The following VPS26C variants were observed in gnomAD, a reference collection of about 807,000 sequenced individuals.
VPS26C encodes the protein VPS26 endosomal protein sorting factor C, also known as vacuolar protein sorting-associated protein 26C.
VPS26C carries 19 observed loss-of-function variants against 30.6 expected under a neutral mutation model. The ratio of observed to expected loss-of-function variants is 0.62; its 90% CI spans 0.43 to 0.91. The LOEUF is 0.91. Among genes scored for constraint, VPS26C ranks in the 40% least tolerant of loss-of-function variants. VPS26C has a pLI of 0.00. For synonymous variants in VPS26C, 132 were observed against 151.5 expected, an observed-to-expected ratio of 0.87 and a Z score of 0.95; for missense variants, 318 against 385.1, an observed-to-expected ratio of 0.83 and a Z score of 1.46.
At chr21:37,225,957 G>A (rs904750143) in intron 7 of VPS26C, 2 of 315,194 alleles carry the variant, frequency 6.3e-6, no homozygotes, top group South Asian at 6.0e-5. Flanking sequence ...CAATTCATTT[G>A]TATTCCTTTG....
intron 1 of VPS26C, among the ~76,000 whole-genome samples, chr21:37,258,240 A>G (rs1358443619): frequency 6.6e-6 from 1 of 152,240 alleles, no homozygotes; most frequent in African/African-American, 2.4e-5. Context: ...GGCACCTTGC[A>G]AACAACCTTT....
chr21:37,262,293 C>T (rs1412282868), intron 1 of VPS26C, among the ~76,000 whole-genome samples: 1 of 152,184 alleles, frequency 6.6e-6, no homozygotes, highest in Admixed American at 6.5e-5. Flanking sequence ...TGACTGAAAC[C>T]AGCAGTGCAT....
At chr21:37,227,434 C>T in intron 7 of VPS26C, 1 of 560,652 alleles carries the variant, frequency 1.8e-6, no homozygotes. Flanking sequence ...AGCACCAGGA[C>T]TGCCTGTGGG....
intron 3 of VPS26C, among the ~76,000 whole-genome samples, chr21:37,234,303 C>T (rs1049864363): frequency 1.3e-5 from 2 of 152,232 alleles, no homozygotes; most frequent in African/African-American, 2.4e-5. Flanking sequence ...AATGTAGCAT[C>T]GCACTTGCAC....
chr21:37,267,214 T>TCCCCCCCCCCCCC, intron 1 of VPS26C, 24 bp downstream of exon 1: 1 of 457,110 alleles, frequency 2.2e-6, no homozygotes, highest in Non-Finnish European at 4.2e-6. Context: ...CCCACCTCCA[T>TCCCCCCCCCCCCC]CCCCACCCCC....
Position 37,257,753 on chromosome 21 carries a change from G to A in VPS26C, c.57+9485C>T, listed in dbSNP as rs145310434. On this transcript the variant is annotated intron_variant, in intron 1 of 7. Transcript: ENST00000309117. The surrounding 1 kb of genome is among the most constrained non-coding windows in gnomAD (Gnocchi z 4.2). ...GAGGGGAGGGAAAGGGGTGGGGAGC[G>A]AGGGTACCAGAGGCGTGGGAGGACG... Among the ~76,000 whole-genome samples, 5 of 152,270 alleles carry A rather than the reference G, an allele frequency of 3.3e-5. 1 individual carries two copies. Among genetic ancestry groups the A allele is most frequent in the African/African-American group, 7.2e-5 (3 of 41,548 alleles).
chr21:37,228,322 A>C lies in VPS26C; in HGVS notation c.559T>G (p.Cys187Gly), dbSNP rs1299536304. The C allele has an allele frequency of 1.2e-6, 2 of 1,614,226 alleles. No individual in the cohort carries two copies. The highest frequency in any genetic ancestry group is 1.7e-6 in the Non-Finnish European group (2 of 1,180,046). ...LLRGHLNSTN[C>G]VITQPLTGEL... ...CCCGTTAGTGGCTGCGTGATGACACAGTTTGTTGAGTTGAGATGTCCTCGA... is the reference window on the plus strand; with the variant it reads ...CCCGTTAGTGGCTGCGTGATGACACCGTTTGTTGAGTTGAGATGTCCTCGA... The change falls in exon 6 of 8, where the codon TGT (cysteine) becomes GGT (glycine). Residue 187 changes from cysteine to glycine, a missense_variant. Transcript: ENST00000309117.
At chr21:37,242,541 G>A (rs1298047210) in intron 1 of VPS26C, among the ~76,000 whole-genome samples, 1 of 152,076 alleles carries the variant, frequency 6.6e-6, no homozygotes, top group African/African-American at 2.4e-5. Flanking sequence ...AGCCATGAAT[G>A]AGCCACTGCA....
rs1370647210 is a variant in VPS26C, at chr21:37,233,450, G to C, written c.352-8C>G. On this transcript the variant is annotated splice_polypyrimidine_tract_variant and splice_region_variant and intron_variant, in intron 3 of 7. Coordinates refer to ENST00000309117, the MANE Select transcript of VPS26C (RefSeq NM_006052.2). This position sits in a 1 kb window ranked among gnomAD's most constrained non-coding sequence, Gnocchi z 5.2. ...GTCACAGCGCAGTGTATACTAAAGG[G>C]GAGAGTTGGAGGAAAAAAGTTCATT... 6.2e-7 allele frequency: 1 copy of C among 1,609,430 alleles called. No homozygotes were observed. Among genetic ancestry groups the C allele is most frequent in the African/African-American group, 1.3e-5 (1 of 74,926 alleles).
At chr21:37,238,180 C>T (rs2086044562) in intron 3 of VPS26C, 1 of 388,090 alleles carries the variant, frequency 2.6e-6, no homozygotes, top group Non-Finnish European at 4.6e-6. Context: ...ACAATAAAAG[C>T]ATCCCTTACA....
chr21:37,261,288 T>C (rs967000088), intron 1 of VPS26C: 1 of 152,206 alleles, frequency 6.6e-6, no homozygotes, highest in Admixed American at 6.5e-5. Context: ...TGTGATCCCA[T>C]CTGTCCATTT....
intron 1 of VPS26C, among the ~76,000 whole-genome samples, chr21:37,264,101 G>A (rs934817077): frequency 6.6e-6 from 1 of 152,136 alleles, no homozygotes; most frequent in Non-Finnish European, 1.5e-5. Context: ...CATGAGTCAT[G>A]GGCACACATG....
chr21:37,255,851 A>ATTTTTTT (rs375877407), intron 1 of VPS26C, among the ~76,000 whole-genome samples: 1,472 of 108,368 alleles, frequency 0.014, 201 homozygotes, highest in African/African-American at 0.049. Context: ...TATGCACTGC[A>ATTTTTTT]TTTTTTTTTT....
At chr21:37,234,568 T>C (rs796488733) in intron 3 of VPS26C, among the ~76,000 whole-genome samples, 1 of 151,582 alleles carries the variant, frequency 6.6e-6, no homozygotes, top group African/African-American at 2.4e-5. Flanking sequence ...TGCCAGTCTT[T>C]AAAAAAAAAT....
chr21:37,246,652 G>C (rs2086140586), intron 1 of VPS26C, among the ~76,000 whole-genome samples: 1 of 152,192 alleles, frequency 6.6e-6, no homozygotes, highest in Admixed American at 6.5e-5. Flanking sequence ...AATGTAGAAT[G>C]TAATCGACAC....
At chr21:37,263,448 G>A (rs967223369) in intron 1 of VPS26C, among the ~76,000 whole-genome samples, 1 of 152,154 alleles carries the variant, frequency 6.6e-6, no homozygotes, top group Non-Finnish European at 1.5e-5. Context: ...CTTTGAACTG[G>A]AACTGATCTG....
upstream of VPS26C, chr21:37,267,593 T>A (rs1463520692): frequency 2.2e-6 from 1 of 455,292 alleles, no homozygotes; most frequent in Non-Finnish European, 3.9e-6. Context: ...AGGGACAGTC[T>A]TACGCCGGAA....
chr21:37,245,099 G>A (rs1400192272), intron 1 of VPS26C, among the ~76,000 whole-genome samples: 1 of 152,230 alleles, frequency 6.6e-6, no homozygotes, highest in African/African-American at 2.4e-5. Flanking sequence ...TTCATCTCCT[G>A]CAAGGAGAGG....
chr21:37,251,676 T>A (rs990882229), intron 1 of VPS26C, among the ~76,000 whole-genome samples: 1 of 152,208 alleles, frequency 6.6e-6, no homozygotes, highest in African/African-American at 2.4e-5. Context: ...AATTCATGAA[T>A]GTTGAACCCT....
Sources: allele counts gnomAD v4.1 joint callset (sites outside exome capture counted in the v4.1 genomes callset), GRCh38; gene constraint gnomAD v4.1.1; non-coding constraint Gnocchi (gnomAD v3.1); transcripts MANE v1.5; gene names NCBI Gene and HGNC (gene_info 2026-07-23, HGNC 2026-07-21).